Variants in TCEA1 observed in about 807,000 individuals in gnomAD.
TCEA1 encodes transcription elongation factor A protein 1.
TCEA1 carries 21 observed loss-of-function variants against 43.8 expected under a neutral mutation model. That is an observed-to-expected ratio of 0.48 (90% confidence interval 0.34 to 0.69). The LOEUF is 0.69. Ranked by LOEUF, TCEA1 falls within the 30% of genes least tolerant of loss-of-function variation. TCEA1 has a pLI of 0.01. For missense variants in TCEA1, 250 were observed against 365.1 expected (o/e 0.68, Z 2.57); for synonymous variants, 104 against 117.5 (o/e 0.88, Z 0.75).
chr8:53,983,560 G>C (rs1803585006), intron 7 of TCEA1, among the ~76,000 whole-genome samples: 1 of 152,114 alleles, frequency 6.6e-6, no homozygotes, highest in Middle Eastern at 3.4e-3. Context: ...TACAGGAGCA[G>C]GAGAATCTGA....
intron 6 of TCEA1, 80 bp downstream of exon 6, chr8:53,986,889 A>C: frequency 2.1e-4 from 242 of 1,126,238 alleles, no homozygotes; most frequent in Non-Finnish European, 2.9e-4. Flanking sequence ...CTGCATGTAA[A>C]ACCGTGCCTG....
intron 3 of TCEA1, among the ~76,000 whole-genome samples, chr8:53,997,108 C>A (rs1040906598): frequency 1.3e-5 from 2 of 151,932 alleles, no homozygotes; most frequent in African/African-American, 4.8e-5. Flanking sequence ...TGGGGTTTCA[C>A]CGTGTTAGCC....
At chr8:53,974,214 G>A in intron 8 of TCEA1, 1 of 154,958 alleles carries the variant, frequency 6.5e-6, no homozygotes. Flanking sequence ...CAAATAACTG[G>A]ATGTTATTTC....
intron 8 of TCEA1, among the ~76,000 whole-genome samples, chr8:53,975,175 T>C (rs1040996272): frequency 6.6e-6 from 1 of 152,198 alleles, no homozygotes; most frequent in Non-Finnish European, 1.5e-5. Flanking sequence ...GCTTACATTA[T>C]GGTAGCTAAG....
intron 7 of TCEA1, among the ~76,000 whole-genome samples, chr8:53,979,666 G>C (rs1041179107): frequency 1.3e-5 from 2 of 152,218 alleles, no homozygotes; most frequent in African/African-American, 4.8e-5. Context: ...TATGGGACAG[G>C]CCTGAACTCT....
chr8:53,984,423 T>C lies in TCEA1; in HGVS notation c.618A>G (p.Leu206=). ...SNLKDAKNPN[L]RKNVLCGNIP... ...TATTCCCACAGAGGACATTTTTCCT[T>C]AAATTTGGATTTTTTGCATCTTTAA... The change falls in exon 7 of 10, where the codon TTA becomes TTG. Residue 206 remains leucine (L), a synonymous_variant. Transcript: ENST00000521604. 6.2e-7 allele frequency: 1 copy of C among 1,605,338 alleles called. No homozygotes were observed. Among genetic ancestry groups the C allele is most frequent in the Non-Finnish European group, 8.5e-7 (1 of 1,176,970 alleles).
chr8:53,984,354 C>A lies in TCEA1; in HGVS notation c.678+9G>T. 1 of 1,591,690 alleles carries A rather than the reference C, an allele frequency of 6.3e-7. No homozygotes were observed. ...ACATTATAGAAACCTCAGATTCACA[C>A]ATACTCACCTCTGCTGTCATTCTAG... is the stretch of plus-strand genomic sequence containing the variant. On this transcript the variant is annotated intron_variant, in intron 7 of 9. Coordinates refer to ENST00000521604, the MANE Select transcript of TCEA1 (RefSeq NM_006756.4).
At chr8:54,021,718 G>C (rs1334687900) in intron 1 of TCEA1, 1 of 212,408 alleles carries the variant, frequency 4.7e-6, no homozygotes, top group African/African-American at 2.3e-5. Context: ...CAAGTTCTGA[G>C]GACTTTCTAC....
At chr8:54,013,630 G>C (rs1438590113) in intron 1 of TCEA1, among the ~76,000 whole-genome samples, 1 of 134,136 alleles carries the variant, frequency 7.5e-6, no homozygotes, top group East Asian at 2.5e-4. Flanking sequence ...GCAGTGAGCC[G>C]AGATCGTGCC....
intron 1 of TCEA1, among the ~76,000 whole-genome samples, chr8:54,017,022 C>G (rs1804853152): frequency 6.7e-6 from 1 of 149,558 alleles, no homozygotes; most frequent in South Asian, 2.1e-4. Flanking sequence ...GCAAAAGAGG[C>G]CAGTTACAAA....
intron 3 of TCEA1, 133 bp from the exon 4 acceptor site, chr8:53,993,888 C>A: frequency 1.4e-6 from 1 of 695,432 alleles, no homozygotes. Flanking sequence ...TTTGCATAAG[C>A]TATTAGCATA....
chr8:53,993,726 C>T lies in TCEA1; in HGVS notation c.262G>A (p.Glu88Lys). The T allele has an allele frequency of 3.1e-6, 5 of 1,613,552 alleles. No individual in the cohort carries two copies. Among genetic ancestry groups the T allele is most frequent in the East Asian group, 2.2e-5 (1 of 44,862 alleles). ...DGPSTEKDLD[E>K]KKKEPAITSQ... ...GTAATTGCAGGTTCTTTCTTCTTTT[C>T]GTCAAGGTCTTTCTCAGTTGATGGC... Residue 88 changes from glutamate (E) to lysine (K), a missense_variant, in exon 4 of 10, where the codon GAA (glutamate) becomes AAA (lysine). By Grantham distance (56) the Glu-to-Lys change is moderately conservative. Transcript: ENST00000521604.
chr8:54,010,067 A>C, intron 2 of TCEA1: 1 of 207,324 alleles, frequency 4.8e-6, no homozygotes, highest in Non-Finnish European at 9.5e-6. Flanking sequence ...GAGGAGCGAC[A>C]CCTTGCCATC....
intron 8 of TCEA1, chr8:53,971,535 CCT>C (rs1376997913): frequency 6.5e-6 from 1 of 153,210 alleles, no homozygotes; most frequent in Non-Finnish European, 1.4e-5. Flanking sequence ...AACTTGAACC[CCT>C]GAGGCGGAGG....
intron 2 of TCEA1, chr8:54,009,708 G>A (rs1162737586): frequency 6.6e-6 from 1 of 152,126 alleles, no homozygotes; most frequent in Non-Finnish European, 1.5e-5. Flanking sequence ...TTTGTTCATG[G>A]GTACGAACAT....
At chr8:54,009,730 G>A (rs1352163611) in intron 2 of TCEA1, 1 of 152,248 alleles carries the variant, frequency 6.6e-6, no homozygotes, top group Non-Finnish European at 1.5e-5. Context: ...TAGTTAGATA[G>A]AAGGAATAAG....
At chr8:54,007,526 C>T (rs1056057283) in intron 2 of TCEA1, among the ~76,000 whole-genome samples, 28 of 152,042 alleles carry the variant, frequency 1.8e-4, no homozygotes, top group Non-Finnish European at 2.9e-5. Context: ...AGAACAGCAA[C>T]AATAATGAGC....
chr8:53,998,341 C>CT (rs922465573), intron 3 of TCEA1, among the ~76,000 whole-genome samples: 7 of 151,242 alleles, frequency 4.6e-5, no homozygotes, highest in South Asian at 2.1e-4. Flanking sequence ...CCTTTCTGTA[C>CT]TTTTTTTTTG....
intron 2 of TCEA1, among the ~76,000 whole-genome samples, chr8:54,009,484 T>C (rs1262617647): frequency 2.6e-5 from 4 of 152,070 alleles, no homozygotes; most frequent in Non-Finnish European, 2.9e-5. Flanking sequence ...TGAAATACCA[T>C]CAGTTATAAA....
Sources: gnomAD v4.1 joint callset for allele counts (sites outside exome capture counted in the v4.1 genomes callset) on GRCh38, gnomAD v4.1.1 for gene constraint, MANE v1.5 for transcripts, NCBI Gene and HGNC (gene_info 2026-07-23, HGNC 2026-07-21) for gene names.